CHD9: variants seen among roughly 807,000 people sequenced by gnomAD.
The protein encoded by CHD9 is ATP-dependent chromatin remodeler CHD9.
CHD9 carries 77 observed loss-of-function variants against 316.1 expected under a neutral mutation model. The ratio of observed to expected loss-of-function variants is 0.24; its 90% CI spans 0.20 to 0.29. The LOEUF (loss-of-function observed/expected upper bound fraction) is 0.29. Ranked by LOEUF, CHD9 falls within the 10% of genes least tolerant of loss-of-function variation. The pLI is 1.00. For missense variants in CHD9, 2,763 were observed against 3,438.1 expected, an observed-to-expected ratio of 0.80 and a Z score of 4.91; for synonymous variants, 1,129 against 1,158.3, an observed-to-expected ratio of 0.97 and a Z score of 0.51.
chr16:53,312,943 C>T (rs2056589713), intron 34 of CHD9, among the ~76,000 whole-genome samples: 1 of 152,108 alleles, frequency 6.6e-6, no homozygotes, highest in African/African-American at 2.4e-5. Context: ...AGCATCTCAC[C>T]TTTAATAATA....
At chr16:53,265,911 C>G (rs993610957) in intron 20 of CHD9, among the ~76,000 whole-genome samples, 3 of 148,074 alleles carry the variant, frequency 2.0e-5, no homozygotes, top group Non-Finnish European at 4.5e-5. Context: ...AAAATTGTAT[C>G]AAATCTCAAA....
intron 1 of CHD9, among the ~76,000 whole-genome samples, chr16:53,142,153 G>T (rs1245952619): frequency 1.3e-5 from 2 of 152,070 alleles, no homozygotes; most frequent in Non-Finnish European, 2.9e-5. Flanking sequence ...GATATAACAG[G>T]CTTGGATCTT....
At chr16:53,106,583 CATT>C (rs1597006939) in intron 1 of CHD9, among the ~76,000 whole-genome samples, 1 of 152,116 alleles carries the variant, frequency 6.6e-6, no homozygotes, top group Non-Finnish European at 1.5e-5. Flanking sequence ...TGAACCCCAT[CATT>C]GTTAGCTGAG....
At position 53,156,121 on chromosome 16, in the gene CHD9, A is replaced by T; in HGVS notation, c.32A>T (p.Asp11Val). 6.2e-7 allele frequency: 1 copy of T among 1,613,118 alleles called. No individual in the cohort carries two copies. The highest frequency in any genetic ancestry group is 8.5e-7 in the Non-Finnish European group (1 of 1,179,600). The change falls in exon 2 of 39, where the codon GAT becomes GTT. Residue 11 changes from aspartate to valine, a missense_variant. By Grantham distance (152) the Asp-to-Val change is radical (BLOSUM62 -3). This residue lies in a region of CHD9 where 859 missense variants were observed against 890.4 expected (regional missense o/e 0.96). Coordinates refer to ENST00000447540, the MANE Select transcript of CHD9 (RefSeq NM_001308319.2). The part of the protein sequence containing the change: MTDPMMDFFD[D>V]ANLFGETLEG... ...GATCCAATGATGGACTTTTTTGATGATGCCAATCTTTTTGGTGAGACCTTA... is the reference window on the plus strand; with the variant it reads ...GATCCAATGATGGACTTTTTTGATGTTGCCAATCTTTTTGGTGAGACCTTA...
Position 53,318,280 on chromosome 16 carries a change from T to C in CHD9, c.7653T>C (p.Asp2551=), listed in dbSNP as rs144273021. The C allele has an allele frequency of 7.9e-5, 128 of 1,612,994 alleles. No homozygotes were observed. The African/African-American group carries it at 1.6e-3, about 20-fold the overall frequency. The change falls in exon 37 of 39, where the codon GAT becomes GAC. Residue 2551 remains aspartate (D), a synonymous_variant. Coordinates refer to ENST00000447540, the MANE Select transcript of CHD9 (RefSeq NM_001308319.2). The part of the protein sequence containing the change: ...RHRCRNPNKL[D]VNSLTGEERV... ...GTTGCAGAAACCCCAATAAACTAGA[T>C]GTGAATAGTCTCACTGGAGAAGAAC...
At position 53,157,602 on chromosome 16, in the gene CHD9, G is replaced by C. The variant is rs114930874; in HGVS notation, c.1452+61G>C. 434 of 1,461,298 alleles carry C rather than the reference G, an allele frequency of 3.0e-4. 1 individual carries two copies. The African/African-American group carries it at 5.7e-3, about 19-fold the overall frequency. 90.5% of individuals were successfully genotyped at this position (1,461,298 alleles called of 1,614,324 possible). ...GGGTAGGGCGGACTGTTAGTCATTG[G>C]GTTAATTTTATATGAAACATAGTCA... On this transcript the variant is annotated intron_variant, in intron 2 of 38. Transcript: ENST00000447540.
chr16:53,297,574 A>G (rs1032522175), intron 30 of CHD9, among the ~76,000 whole-genome samples: 12 of 152,234 alleles, frequency 7.9e-5, no homozygotes, highest in African/African-American at 2.9e-4. Context: ...AATTTTCTAG[A>G]AAAGATCTCC....
chr16:53,274,668 G>T (rs1202122623), intron 24 of CHD9, among the ~76,000 whole-genome samples: 3 of 151,964 alleles, frequency 2.0e-5, no homozygotes, highest in African/African-American at 7.3e-5. Context: ...ATCTTGGCCA[G>T]GCTGGTTTCG....
At chr16:53,305,861 T>G (rs1343328541) in intron 31 of CHD9, among the ~76,000 whole-genome samples, 1 of 152,200 alleles carries the variant, frequency 6.6e-6, no homozygotes, top group African/African-American at 2.4e-5. Context: ...AAGAGAATTA[T>G]GGTATCCTCA....
intron 23 of CHD9, 98 bp downstream of exon 23, chr16:53,273,883 A>G: frequency 9.0e-7 from 1 of 1,113,628 alleles, no homozygotes; most frequent in Non-Finnish European, 1.3e-6. Flanking sequence ...CAGAGACAGC[A>G]TGGTCTAGGG....
Position 53,286,851 on chromosome 16 carries a change from C to A in CHD9, c.5189+508C>A, listed in dbSNP as rs527236451. Among the ~76,000 whole-genome samples, 8 of 152,016 alleles carry A rather than the reference C, an allele frequency of 5.3e-5. No individual in the cohort carries two copies. The South Asian group carries it at 1.7e-3, about 32-fold the overall frequency. On this transcript the variant is annotated intron_variant, in intron 26 of 38. Coordinates refer to ENST00000447540, the MANE Select transcript of CHD9 (RefSeq NM_001308319.2). ...AACTATCTTTAGATTATTTATAATT[C>A]ATAGTACAATATATATGCTGTATGC... is the stretch of plus-strand genomic sequence containing the variant.
intron 3 of CHD9, among the ~76,000 whole-genome samples, chr16:53,215,929 G>T (rs976453739): frequency 1.3e-5 from 2 of 152,134 alleles, no homozygotes; most frequent in African/African-American, 2.4e-5. Context: ...TCATACTTTA[G>T]TTTGAAATTG....
At chr16:53,075,431 G>A (rs1395677907) in intron 1 of CHD9, among the ~76,000 whole-genome samples, 2 of 152,122 alleles carry the variant, frequency 1.3e-5, no homozygotes, top group Admixed American at 1.3e-4. Context: ...GGGGCCAGGG[G>A]CGGAATGATA....
chr16:53,263,110 AT>A lies in CHD9; in HGVS notation c.4320+14del. On this transcript the variant is annotated intron_variant, in intron 20 of 38. Coordinates refer to ENST00000447540, the MANE Select transcript of CHD9 (RefSeq NM_001308319.2). Reference sequence around the variant, plus strand: ...CATCAGTGGCAGAGTAAGTATTTTTATCCCTCTAAAATAAACTTGCTTTTGG... The same window carrying A: ...CATCAGTGGCAGAGTAAGTATTTTTACCCTCTAAAATAAACTTGCTTTTGG... 1 of 1,583,798 alleles carries A rather than the reference AT, an allele frequency of 6.3e-7. No individual in the cohort carries two copies. Among genetic ancestry groups the A allele is most frequent in the Middle Eastern group, 1.7e-4 (1 of 5,982 alleles).
In CHD9 at chr16:53,273,677, A is replaced by ATTTT; in HGVS notation, c.4769_4770insTTTT (p.Gln1590HisfsTer7). ...CGAAAAGGGAAGAAAGTAAAAACTC[A>ATTTT]AACAAGCTCATTTGATATACAAAAA... On this transcript the variant is annotated frameshift_variant, in exon 23 of 39. Transcript: ENST00000447540. LOFTEE classifies it high-confidence loss of function. The ATTTT allele has an allele frequency of 6.2e-7, 1 of 1,613,292 alleles. No homozygotes were observed. Among genetic ancestry groups the ATTTT allele is most frequent in the Non-Finnish European group, 8.5e-7 (1 of 1,179,508 alleles).
Position 53,304,338 on chromosome 16 carries a change from C to G in CHD9, c.6332C>G (p.Pro2111Arg). Residue 2111 changes from proline to arginine, a missense_variant, in exon 31 of 39, where the codon CCC (proline) becomes CGC (arginine). Around this residue, in one of 15 missense-constraint regions of CHD9, gnomAD observed 663 missense variants for 751.2 expected, o/e 0.88. Coordinates refer to ENST00000447540, the MANE Select transcript of CHD9 (RefSeq NM_001308319.2). ...CGCATGGTTGCAGCCAGAACAGAAC[C>G]CCTAACTCCAAACCCAGCTTCTAAG... ...DRRMVAARTEPLTPNPASKKP... is the reference protein window; with the variant it reads ...DRRMVAARTERLTPNPASKKP... The G allele has an allele frequency of 6.2e-7, 1 of 1,612,916 alleles. No individual in the cohort carries two copies. Among genetic ancestry groups the G allele is most frequent in the Non-Finnish European group, 8.5e-7 (1 of 1,179,824 alleles).
chr16:53,129,434 G>T (rs2039116699), intron 1 of CHD9, among the ~76,000 whole-genome samples: 1 of 152,218 alleles, frequency 6.6e-6, no homozygotes, highest in Admixed American at 6.5e-5. Context: ...AGTTGGAACT[G>T]TAACCGCCCT....
Position 53,260,464 on chromosome 16 carries a change from G to A in CHD9, c.4210-2523G>A, listed in dbSNP as rs1264653614. On this transcript the variant is annotated intron_variant, in intron 19 of 38. Coordinates refer to ENST00000447540, the MANE Select transcript of CHD9 (RefSeq NM_001308319.2). ...GCTGTACTCCAGTCTGGGCAACAGA[G>A]TGAGACCTTTTCTCAAAAAAAAAAA... Among the ~76,000 whole-genome samples, 12 of 152,088 alleles carry A rather than the reference G, an allele frequency of 7.9e-5. No individual in the cohort carries two copies. In the South Asian group the frequency reaches 2.1e-3, roughly 26 times the overall value.
In CHD9 at chr16:53,076,271, TA is replaced by T. The variant is rs899425782; in HGVS notation, c.-165+21203del. 5.9e-5 allele frequency among the ~76,000 whole-genome samples: 9 copies of T among 151,904 alleles called. No homozygotes were observed. In the South Asian group the frequency reaches 1.0e-3, roughly 18 times the overall value. On this transcript the variant is annotated intron_variant, in intron 1 of 38. Coordinates refer to ENST00000447540, the MANE Select transcript of CHD9 (RefSeq NM_001308319.2). ...AAAATTTTTCATAACATCCAATTTT[TA>T]AAAAAAAATTATTTTAATTAGGCTG...
Sources: allele counts gnomAD v4.1 joint callset (sites outside exome capture counted in the v4.1 genomes callset), GRCh38; gene constraint gnomAD v4.1.1; regional missense constraint gnomAD v4.1.1; transcripts MANE v1.5; gene names NCBI Gene and HGNC (gene_info 2026-07-23, HGNC 2026-07-21).